Variants in ABCA6 observed in about 807,000 individuals in gnomAD.
The protein encoded by ABCA6 is ATP-binding cassette sub-family A member 6.
Under a neutral mutation model 191.2 loss-of-function variants are expected in ABCA6, and 164 were observed. That is an observed-to-expected ratio of 0.86 (90% CI 0.76 to 0.98). The LOEUF is 0.98. Ranked by LOEUF, ABCA6 falls within the 50% of genes least tolerant of loss-of-function variation. ABCA6 has a pLI of 0.00. For missense variants in ABCA6, 1,958 were observed against 1,894.1 expected (o/e 1.03, Z -0.63); for synonymous variants, 636 against 647.7 (o/e 0.98, Z 0.27).
intron 1 of ABCA6, 75 bp from the exon 2 acceptor site, chr17:69,140,823 G>T: frequency 4.3e-6 from 2 of 466,886 alleles, no homozygotes; most frequent in South Asian, 5.8e-5. Context: ...TTTAAAAAGT[G>T]TAAACATGAA....
In ABCA6 at chr17:69,084,255, G is replaced by GCTCAT. The variant is rs2072713386; in HGVS notation, c.4355+5_4355+6insATGAG. The GCTCAT allele has an allele frequency of 2.5e-6, 4 of 1,613,706 alleles. No individual in the cohort carries two copies. The African/African-American group carries it at 4.0e-5, about 16-fold the overall frequency. ...GCTCGCAGCTCTGGGGTATAATGAT[G>GCTCAT]CTCACCACATTTGCTGCTGCCCTGT... is the stretch of plus-strand genomic sequence containing the variant. On this transcript the variant is annotated splice_donor_region_variant and intron_variant, in intron 34 of 38. Transcript: ENST00000284425.
In ABCA6 at chr17:69,123,372, A is replaced by T; in HGVS notation, c.1303T>A (p.Leu435Met). 1 of 1,533,090 alleles carries T rather than the reference A, an allele frequency of 6.5e-7. No individual in the cohort carries two copies. The allele number at this position is 1,533,090 out of a possible 1,614,324, so 95.0% of individuals were successfully genotyped here. ...TGTTGGAAACAAGATGATGAATTCA[A>T]GAAAAATAAAGGAGAATAATGGCGC... ...DERHYSPLFFLNSSSCFQHQR... is the reference protein window; with the variant it reads ...DERHYSPLFFMNSSSCFQHQR... Residue 435 changes from leucine to methionine, a missense_variant, in exon 10 of 39, where the codon TTG becomes ATG. Coordinates refer to ENST00000284425, the MANE Select transcript of ABCA6 (RefSeq NM_080284.3).
Position 69,134,703 on chromosome 17 carries a change from A to G in ABCA6, c.500T>C (p.Leu167Ser), listed in dbSNP as rs753666560. Reference protein sequence around the residue: ...WDGYGEFSCTLTKYWNRGFVA... With the variant: ...WDGYGEFSCTSTKYWNRGFVA... ...AAATCCTCTATTCCAGTATTTGGTC[A>G]ATGTACATGAAAACTCACCATATCC... is the stretch of plus-strand genomic sequence containing the variant. Residue 167 changes from leucine to serine, a missense_variant, in exon 5 of 39, where the codon TTG (leucine) becomes TCG (serine). Leu to Ser is a moderately radical substitution (Grantham distance 145). Transcript: ENST00000284425. The G allele has an allele frequency of 1.2e-6, 2 of 1,613,700 alleles. No homozygotes were observed. The highest frequency in any genetic ancestry group is 4.5e-5 in the East Asian group (2 of 44,868).
intron 13 of ABCA6, among the ~76,000 whole-genome samples, 178 bp downstream of exon 13, chr17:69,114,584 A>C (rs2073500276): frequency 6.6e-6 from 1 of 152,140 alleles, no homozygotes; most frequent in Admixed American, 6.6e-5. Flanking sequence ...ATAAAATCCA[A>C]AATGATTCAT....
Position 69,088,161 on chromosome 17 carries a change from C to CTA in ABCA6, c.3698+5_3698+6insTA, listed in dbSNP as rs2072846542. 6.2e-7 allele frequency: 1 copy of CTA among 1,606,616 alleles called. No homozygotes were observed. The highest frequency in any genetic ancestry group is 8.5e-7 in the Non-Finnish European group (1 of 1,175,746). On this transcript the variant is annotated splice_donor_region_variant and intron_variant, in intron 28 of 38. Coordinates refer to ENST00000284425, the MANE Select transcript of ABCA6 (RefSeq NM_080284.3). ...TATTAAGTATAAAGTTAAATTTCAC[C>CTA]CCAACCTGAAAACAGGATCTTTTCG...
chr17:69,118,126 C>T, intron 10 of ABCA6, 170 bp from the exon 11 acceptor site: 2 of 455,500 alleles, frequency 4.4e-6, no homozygotes, highest in Non-Finnish European at 7.8e-6. Context: ...TTACTTATTT[C>T]CCCTGAGGTA....
chr17:69,086,579 T>A, intron 30 of ABCA6, 39 bp downstream of exon 30: 2 of 1,457,504 alleles, frequency 1.4e-6, no homozygotes, highest in Non-Finnish European at 1.9e-6. Context: ...TAGGTAGTTC[T>A]AAAAGTAATG....
intron 37 of ABCA6, among the ~76,000 whole-genome samples, chr17:69,080,730 T>C (rs944662375): frequency 3.3e-5 from 5 of 152,106 alleles, no homozygotes; most frequent in African/African-American, 4.8e-5. Context: ...AAAGTAATAA[T>C]TTGGGACACT....
At chr17:69,138,119 T>C (rs1011481123) in intron 2 of ABCA6, among the ~76,000 whole-genome samples, 1 of 152,180 alleles carries the variant, frequency 6.6e-6, no homozygotes, top group African/African-American at 2.4e-5. Context: ...ATTCTCACTG[T>C]CCTGGTCCCA....
At chr17:69,107,918 T>C in intron 17 of ABCA6, 106 bp from the exon 18 acceptor site, 1 of 737,548 alleles carries the variant, frequency 1.4e-6, no homozygotes, top group Non-Finnish European at 2.2e-6. Flanking sequence ...GTTAAGAAAA[T>C]TATGTCCTTG....
chr17:69,113,890 C>T (rs951056390), intron 13 of ABCA6, among the ~76,000 whole-genome samples, 153 bp from the exon 14 acceptor site: 15 of 151,974 alleles, frequency 9.9e-5, no homozygotes, highest in East Asian at 9.6e-4. Flanking sequence ...GTTAGTATGG[C>T]GATCATTAAA....
intron 24 of ABCA6, 33 bp downstream of exon 24, chr17:69,096,595 T>C (rs904850384): frequency 2.2e-6 from 3 of 1,371,838 alleles, no homozygotes; most frequent in East Asian, 5.1e-5. Flanking sequence ...TTAATTACTT[T>C]ATGAAATTTG....
chr17:69,099,133 A>G (rs1465361228), intron 22 of ABCA6, among the ~76,000 whole-genome samples: 1 of 151,906 alleles, frequency 6.6e-6, no homozygotes, highest in African/African-American at 2.4e-5. Flanking sequence ...AACTTCAGGG[A>G]AAGGAACTTT....
Position 69,123,330 on chromosome 17 carries a change from T to C in ABCA6, c.1345A>G (p.Lys449Glu). 1.3e-6 allele frequency: 2 copies of C among 1,580,040 alleles called. No homozygotes were observed. The highest frequency in any genetic ancestry group is 1.7e-6 in the Non-Finnish European group (2 of 1,158,616). ...GCATCGATTTCTTTCTCAATAACCT[T>C]AGCATTAGTCCTTTGGTGTTGGAAA... Reference protein sequence around the residue: ...SCFQHQRTNAKVIEKEIDAEH... With the variant: ...SCFQHQRTNAEVIEKEIDAEH... The change falls in exon 10 of 39, where the codon AAG becomes GAG. Residue 449 changes from lysine (K) to glutamate (E), a missense_variant. Physicochemically the swap from Lys to Glu is moderately conservative, Grantham distance 56. Coordinates refer to ENST00000284425, the MANE Select transcript of ABCA6 (RefSeq NM_080284.3).
At chr17:69,084,898 T>C in intron 32 of ABCA6, 130 bp downstream of exon 32, 1 of 1,152,466 alleles carries the variant, frequency 8.7e-7, no homozygotes, top group Admixed American at 3.3e-5. Flanking sequence ...CCCTCATCCC[T>C]GCTCTGCCAC....
intron 18 of ABCA6, among the ~76,000 whole-genome samples, chr17:69,106,611 A>T (rs1403342391): frequency 4.0e-5 from 6 of 151,488 alleles, no homozygotes; most frequent in Non-Finnish European, 5.9e-5. Context: ...AAAAAAAAAA[A>T]AGTTTTACAT....
Position 69,115,467 on chromosome 17 carries a change from A to C in ABCA6, c.1515T>G (p.Tyr505Ter). 6.2e-7 allele frequency: 1 copy of C among 1,610,596 alleles called. No individual in the cohort carries two copies. Among genetic ancestry groups the C allele is most frequent in the South Asian group, 1.1e-5 (1 of 90,530 alleles). The change falls in exon 12 of 39, where the codon TAT (tyrosine) becomes TAG (stop). Residue 505 changes from tyrosine (Y) to a stop codon, truncating the protein, a stop_gained. Coordinates refer to ENST00000284425, the MANE Select transcript of ABCA6 (RefSeq NM_080284.3). LOFTEE classifies it high-confidence loss of function. ...EALKGLLFDI[Y>*]EGQITAILGH... The stretch of plus-strand genomic sequence containing the variant: ...CCAGGATTGCCGTGATTTGACCTTC[A>C]TATATGTCAAAGAGCAAGCCTATTT...
rs182771379 is a variant in ABCA6, at chr17:69,130,091, A to G, written c.792-340T>C. Among the ~76,000 whole-genome samples, 16 of 152,178 alleles carry G rather than the reference A, an allele frequency of 1.1e-4. No homozygotes were observed. In the East Asian group the frequency reaches 3.1e-3, roughly 29 times the overall value. ...AGCACTTTGGGAGGCTGAGGTGGGC[A>G]GATCATTTGAGGTCAAGAGTTCCAG... is the stretch of plus-strand genomic sequence containing the variant. On this transcript the variant is annotated intron_variant, in intron 6 of 38. Coordinates refer to ENST00000284425, the MANE Select transcript of ABCA6 (RefSeq NM_080284.3).
intron 2 of ABCA6, among the ~76,000 whole-genome samples, chr17:69,138,856 T>C (rs537464459): frequency 2.8e-3 from 421 of 151,802 alleles, no homozygotes; most frequent in Non-Finnish European, 3.6e-3. Context: ...AAGGATTCCC[T>C]ATTTAATAAA....
Sources: allele counts gnomAD v4.1 joint callset (sites outside exome capture counted in the v4.1 genomes callset), GRCh38; gene constraint gnomAD v4.1.1; transcripts MANE v1.5; gene names NCBI Gene and HGNC (gene_info 2026-07-23, HGNC 2026-07-21).